IGSF21: variants seen among roughly 807,000 people sequenced by gnomAD.
IGSF21 encodes immunoglobulin superfamily member 21.
In IGSF21, 28 loss-of-function variants were observed where a neutral mutation model predicts 46.8. The ratio of observed to expected loss-of-function variants is 0.60; its 90% CI spans 0.44 to 0.82. IGSF21 has a LOEUF of 0.82. IGSF21 is among the 40% of genes least tolerant of loss of function. The pLI, the probability that IGSF21 is intolerant of heterozygous loss-of-function variation, is 0.00. For missense variants in IGSF21, 624 were observed against 665.5 expected, an observed-to-expected ratio of 0.94 and a Z score of 0.69; for synonymous variants, 284 against 273.6, an observed-to-expected ratio of 1.04 and a Z score of -0.38.
At chr1:18,331,230 C>T (rs991115377) in intron 3 of IGSF21, among the ~76,000 whole-genome samples, 10 of 152,036 alleles carry the variant, frequency 6.6e-5, no homozygotes, top group Non-Finnish European at 1.3e-4. Flanking sequence ...ATGCCCTATC[C>T]CAATTTGTAG....
chr1:18,355,752 A>G (rs1193275504), intron 4 of IGSF21, among the ~76,000 whole-genome samples: 1 of 151,222 alleles, frequency 6.6e-6, no homozygotes, highest in Non-Finnish European at 1.5e-5. Context: ...CCTACTGCCC[A>G]GGTCTGGTGT....
chr1:18,115,903 AGGAG>A (rs1273675164), intron 1 of IGSF21: 5 of 100,568 alleles, frequency 5.0e-5, no homozygotes, highest in African/African-American at 1.9e-4. Context: ...GAAAGAAAGA[AGGAG>A]AGGGAGGGAG....
At chr1:18,174,551 A>G (rs1468519038) in intron 1 of IGSF21, among the ~76,000 whole-genome samples, 1 of 152,010 alleles carries the variant, frequency 6.6e-6, no homozygotes, top group African/African-American at 2.4e-5. Flanking sequence ...ACCCACCCAC[A>G]TCCCCTCGCT....
chr1:18,365,800 A>C lies in IGSF21; in HGVS notation c.1015+103A>C. On this transcript the variant is annotated intron_variant, in intron 6 of 9. Transcript: ENST00000251296. This position sits in a 1 kb window ranked among gnomAD's most constrained non-coding sequence, Gnocchi z 4.8. ...GCTGAGGACAGCCATGGAAAGGGGGAGGAGATGGAGCAAACTGGAGTCAGG... is the reference window on the plus strand; with the variant it reads ...GCTGAGGACAGCCATGGAAAGGGGGCGGAGATGGAGCAAACTGGAGTCAGG... The C allele has an allele frequency of 1.1e-6, 1 of 948,282 alleles. No individual in the cohort carries two copies. Among genetic ancestry groups the C allele is most frequent in the Non-Finnish European group, 1.6e-6 (1 of 638,664 alleles). The allele number at this position is 948,282 out of a possible 1,614,324, so 58.7% of individuals were successfully genotyped here.
intron 4 of IGSF21, among the ~76,000 whole-genome samples, chr1:18,351,804 T>C (rs530507568): frequency 1.3e-5 from 2 of 152,310 alleles, no homozygotes; most frequent in East Asian, 1.9e-4. Context: ...TTACACCCCA[T>C]AGATTTCATC....
intron 2 of IGSF21, among the ~76,000 whole-genome samples, chr1:18,266,441 G>A (rs1233444578): frequency 6.6e-6 from 1 of 152,208 alleles, no homozygotes; most frequent in East Asian, 1.9e-4. Flanking sequence ...ACACATTCAG[G>A]TGGATGAGCT....
chr1:18,192,208 TC>T (rs2086964671), intron 1 of IGSF21, among the ~76,000 whole-genome samples: 3 of 152,326 alleles, frequency 2.0e-5, no homozygotes, highest in African/African-American at 7.2e-5. Flanking sequence ...GGGATCATGC[TC>T]CCACTTTGTA....
At chr1:18,349,808 T>C (rs2085931981) in intron 4 of IGSF21, among the ~76,000 whole-genome samples, 2 of 151,998 alleles carry the variant, frequency 1.3e-5, no homozygotes, top group South Asian at 2.1e-4. Context: ...CCTGTAATCC[T>C]AGCACTTTGG....
At chr1:18,273,050 T>A (rs2085058560) in intron 2 of IGSF21, among the ~76,000 whole-genome samples, 1 of 145,282 alleles carries the variant, frequency 6.9e-6, no homozygotes, top group Non-Finnish European at 1.5e-5. Context: ...TTTTTTTTTT[T>A]TTTTTTTTTT....
chr1:18,130,012 G>T (rs116553843), intron 1 of IGSF21, among the ~76,000 whole-genome samples: 2,783 of 152,272 alleles, frequency 0.018, 88 homozygotes, highest in African/African-American at 0.063. Context: ...CCCATGTTGT[G>T]ATATTTTGTT....
At chr1:18,362,783 C>T (rs1219593648) in intron 5 of IGSF21, among the ~76,000 whole-genome samples, 1 of 152,158 alleles carries the variant, frequency 6.6e-6, no homozygotes, top group Non-Finnish European at 1.5e-5. Flanking sequence ...ACTTATTAGA[C>T]CCAACATAGT....
At chr1:18,192,581 T>A (rs1380705638) in intron 1 of IGSF21, among the ~76,000 whole-genome samples, 1 of 152,188 alleles carries the variant, frequency 6.6e-6, no homozygotes. Context: ...CTGGGCATAC[T>A]GGGGACCACA....
intron 1 of IGSF21, among the ~76,000 whole-genome samples, chr1:18,217,320 C>G (rs2084459546): frequency 6.6e-6 from 1 of 152,146 alleles, no homozygotes; most frequent in South Asian, 2.1e-4. Flanking sequence ...ATGGATGACC[C>G]ATGTTGCTTT....
At position 18,180,505 on chromosome 1, in the gene IGSF21, C is replaced by A. The variant is rs149649752; in HGVS notation, c.71-47393C>A. ...TACAGTTAAGGTAGATCAATAGCTT[C>A]CCTGGATAAAACAAAGTGTAGACAG... On this transcript the variant is annotated intron_variant, in intron 1 of 9. Transcript: ENST00000251296. Among the ~76,000 whole-genome samples, 123 of 152,236 alleles carry A rather than the reference C, an allele frequency of 8.1e-4. 1 individual carries two copies. The highest frequency in any genetic ancestry group is 2.9e-3 in the African/African-American group (120 of 41,540).
In IGSF21 at chr1:18,334,163, G is replaced by A. The variant is rs1320533998; in HGVS notation, c.306-729G>A. ...CATCCTTAGGGATCACCTCTTCTGAGACACCCTCCCAACTACCTCAGAGGT... is the reference window on the plus strand; with the variant it reads ...CATCCTTAGGGATCACCTCTTCTGAAACACCCTCCCAACTACCTCAGAGGT... On this transcript the variant is annotated intron_variant, in intron 3 of 9. Coordinates refer to ENST00000251296, the MANE Select transcript of IGSF21 (RefSeq NM_032880.5). This position sits in a 1 kb window ranked among gnomAD's most constrained non-coding sequence, Gnocchi z 4.3. Among the ~76,000 whole-genome samples, 2 of 152,156 alleles carry A rather than the reference G, an allele frequency of 1.3e-5. No homozygotes were observed. The highest frequency in any genetic ancestry group is 4.8e-5 in the African/African-American group (2 of 41,422).
chr1:18,377,320 G>A, intron 8 of IGSF21, 73 bp from the exon 9 acceptor site: 2 of 1,336,492 alleles, frequency 1.5e-6, no homozygotes, highest in Non-Finnish European at 2.2e-6. Context: ...CAGGTGCTGG[G>A]TAAAGGGCCA....
chr1:18,238,430 G>T (rs2084693131), intron 2 of IGSF21, among the ~76,000 whole-genome samples: 1 of 152,222 alleles, frequency 6.6e-6, no homozygotes, highest in African/African-American at 2.4e-5. Flanking sequence ...GGGAAGAGGA[G>T]ATAAGAAGCA....
chr1:18,185,447 G>A (rs374131407), intron 1 of IGSF21, among the ~76,000 whole-genome samples: 1 of 152,180 alleles, frequency 6.6e-6, no homozygotes, highest in Non-Finnish European at 1.5e-5. Context: ...CCAGAGTTCC[G>A]CCAGGCAGCA....
chr1:18,253,776 G>T (rs572580774), intron 2 of IGSF21, among the ~76,000 whole-genome samples: 1 of 152,146 alleles, frequency 6.6e-6, no homozygotes, highest in Non-Finnish European at 1.5e-5. Flanking sequence ...GTCACTGGGC[G>T]CCTGCTTCCT....
Sources: gnomAD v4.1 joint callset for allele counts (sites outside exome capture counted in the v4.1 genomes callset) on GRCh38, gnomAD v4.1.1 for gene constraint, Gnocchi (gnomAD v3.1) non-coding constraint, MANE v1.5 for transcripts, NCBI Gene and HGNC (gene_info 2026-07-23, HGNC 2026-07-21) for gene names.